CACNB2: variants seen among roughly 807,000 people sequenced by gnomAD.
CACNB2 encodes voltage-dependent L-type calcium channel subunit beta-2.
CACNB2 carries 42 observed loss-of-function variants against 73.3 expected under a neutral mutation model. The observed-to-expected ratio is 0.57, with a 90% CI of 0.45 to 0.74. The LOEUF (loss-of-function observed/expected upper bound fraction) is 0.74, where lower values mean the gene tolerates loss of function less well. CACNB2 is among the 30% of genes least tolerant of loss of function. CACNB2 has a pLI of 0.00. For missense variants in CACNB2, 940 were observed against 853.0 expected, an observed-to-expected ratio of 1.10 and a Z score of -1.27; for synonymous variants, 348 against 310.3, an observed-to-expected ratio of 1.12 and a Z score of -1.28.
Position 18,464,418 on chromosome 10 carries a change from T to TAA in CACNB2, c.334-33916_334-33915dup, listed in dbSNP as rs762982462. 1.1e-3 allele frequency among the ~76,000 whole-genome samples: 94 copies of TAA among 85,306 alleles called. 2 individuals carry two copies. The highest frequency in any genetic ancestry group is 3.1e-3 in the African/African-American group (77 of 24,962). The allele number at this position is 85,306 out of a possible 152,430, so 56.0% of individuals were successfully genotyped here. On this transcript the variant is annotated intron_variant, in intron 3 of 13. Transcript: ENST00000324631. ...CAGAGTGAGACCCTGTCTCAAAAAT[T>TAA]AAAAAAAAAAAAAAAAAAAAAAGAA...
intron 2 of CACNB2, among the ~76,000 whole-genome samples, chr10:18,254,373 T>G (rs980551880): frequency 6.6e-6 from 1 of 152,230 alleles, no homozygotes; most frequent in Non-Finnish European, 1.5e-5. Context: ...CATTGAGGTT[T>G]AGTGTGCATT....
chr10:18,313,370 A>G (rs2040034196), intron 2 of CACNB2, among the ~76,000 whole-genome samples: 1 of 150,814 alleles, frequency 6.6e-6, no homozygotes, highest in Non-Finnish European at 1.5e-5. Flanking sequence ...GCCCCTACGT[A>G]CTAGACGCCA....
intron 2 of CACNB2, among the ~76,000 whole-genome samples, chr10:18,279,188 C>T (rs925666655): frequency 3.9e-5 from 6 of 152,110 alleles, no homozygotes; most frequent in Non-Finnish European, 8.8e-5. Flanking sequence ...GAAAGCTGTC[C>T]CAGAACTGGT....
intron 3 of CACNB2, among the ~76,000 whole-genome samples, chr10:18,464,418 T>TAAAAAAAAAAAAAAA (rs762982462): frequency 5.7e-4 from 49 of 85,256 alleles, no homozygotes; most frequent in African/African-American, 1.2e-3. Flanking sequence ...TCTCAAAAAT[T>TAAAAAAAAAAAAAAA]AAAAAAAAAA....
At chr10:18,479,504 C>T (rs1368803022) in intron 3 of CACNB2, among the ~76,000 whole-genome samples, 3 of 152,050 alleles carry the variant, frequency 2.0e-5, no homozygotes, top group Non-Finnish European at 2.9e-5. Context: ...AGATTGTCTG[C>T]GGAGATAGTA....
At chr10:18,252,124 C>T (rs748403094) in intron 2 of CACNB2, among the ~76,000 whole-genome samples, 8 of 152,154 alleles carry the variant, frequency 5.3e-5, no homozygotes, top group Non-Finnish European at 1.2e-4. Flanking sequence ...AGTTAATTAT[C>T]TTATCTAACC....
intron 2 of CACNB2, among the ~76,000 whole-genome samples, chr10:18,242,111 A>ATATG (rs373290298): frequency 0.069 from 470 of 6,764 alleles, 7 homozygotes; most frequent in Admixed American, 0.24. Flanking sequence ...ATATGTATAC[A>ATATG]TGTGTGTGTG....
intron 2 of CACNB2, among the ~76,000 whole-genome samples, chr10:18,258,060 G>A (rs1326009709): frequency 1.3e-5 from 2 of 152,114 alleles, no homozygotes; most frequent in African/African-American, 4.8e-5. Flanking sequence ...GTTCTTATAC[G>A]TGCCTAGAGG....
chr10:18,449,166 C>T (rs536572959), intron 3 of CACNB2, among the ~76,000 whole-genome samples: 25 of 152,088 alleles, frequency 1.6e-4, no homozygotes, highest in Non-Finnish European at 2.9e-4. Context: ...GGGTGGATCA[C>T]GAGGTGAGGA....
chr10:18,222,702 C>T (rs72782024), intron 2 of CACNB2, among the ~76,000 whole-genome samples: 76,587 of 151,762 alleles, frequency 0.5, 21,726 homozygotes, highest in Middle Eastern at 0.65. Flanking sequence ...TTTGGGAGGC[C>T]GAGGTGAGTG....
chr10:18,388,840 C>T (rs1191931950), intron 2 of CACNB2, among the ~76,000 whole-genome samples: 1 of 152,076 alleles, frequency 6.6e-6, no homozygotes, highest in Non-Finnish European at 1.5e-5. Flanking sequence ...TGTCATAATT[C>T]CCATAGCAAC....
chr10:18,295,421 T>C (rs2039237180), intron 2 of CACNB2, among the ~76,000 whole-genome samples: 1 of 152,180 alleles, frequency 6.6e-6, no homozygotes, highest in Admixed American at 6.5e-5. Flanking sequence ...AATACAAAAA[T>C]AATGGACTCC....
intron 2 of CACNB2, among the ~76,000 whole-genome samples, chr10:18,341,309 A>G (rs1258873511): frequency 1.3e-5 from 2 of 152,350 alleles, no homozygotes; most frequent in Non-Finnish European, 2.9e-5. Flanking sequence ...TATCACTCTG[A>G]CAGCCTAGCC....
intron 2 of CACNB2, among the ~76,000 whole-genome samples, chr10:18,378,610 G>T (rs540281840): frequency 1.3e-5 from 2 of 152,242 alleles, no homozygotes; most frequent in Admixed American, 1.3e-4. Flanking sequence ...AATTATACAG[G>T]AGTGGTGGTG....
At chr10:18,446,797 G>T (rs1222624296) in intron 3 of CACNB2, among the ~76,000 whole-genome samples, 1 of 152,146 alleles carries the variant, frequency 6.6e-6, no homozygotes, top group Non-Finnish European at 1.5e-5. Flanking sequence ...AGGCACAGTG[G>T]CTCATGCCTG....
intron 2 of CACNB2, among the ~76,000 whole-genome samples, chr10:18,266,788 G>A (rs2037824184): frequency 6.6e-6 from 1 of 152,180 alleles, no homozygotes; most frequent in Non-Finnish European, 1.5e-5. Flanking sequence ...TACTCGGGAG[G>A]CTGAGGCGGG....
At chr10:18,235,945 G>A (rs1037520639) in intron 2 of CACNB2, among the ~76,000 whole-genome samples, 1 of 152,082 alleles carries the variant, frequency 6.6e-6, no homozygotes, top group Non-Finnish European at 1.5e-5. Flanking sequence ...ACAAGACCTG[G>A]TTGTTTAAAA....
intron 2 of CACNB2, among the ~76,000 whole-genome samples, chr10:18,316,941 A>G (rs2040210097): frequency 6.6e-6 from 1 of 152,196 alleles, no homozygotes; most frequent in Non-Finnish European, 1.5e-5. Context: ...CAAGGAAGCC[A>G]TGCTTCTTAG....
chr10:18,202,626 G>A (rs544159662), intron 2 of CACNB2, among the ~76,000 whole-genome samples: 1 of 152,160 alleles, frequency 6.6e-6, no homozygotes, highest in Non-Finnish European at 1.5e-5. Flanking sequence ...ATAGTTCCTG[G>A]AACAGAGTAA....
Sources: allele counts gnomAD v4.1 joint callset (sites outside exome capture counted in the v4.1 genomes callset), GRCh38; gene constraint gnomAD v4.1.1; transcripts MANE v1.5; gene names NCBI Gene and HGNC (gene_info 2026-07-23, HGNC 2026-07-21).